The following KBTBD2 variants were observed in gnomAD, a reference collection of about 807,000 sequenced individuals.
KBTBD2 encodes the protein kelch repeat and BTB domain containing 2.
In KBTBD2, 17 loss-of-function variants were observed where a neutral mutation model predicts 57.1. The observed-to-expected ratio is 0.30, with a 90% CI of 0.20 to 0.45. The LOEUF (loss-of-function observed/expected upper bound fraction) is 0.45. Among genes scored for constraint, KBTBD2 ranks in the 20% least tolerant of loss-of-function variants. The probability of loss-of-function intolerance (pLI) is 1.00; values close to 1 mark genes in which losing one functional copy is unlikely to be tolerated. For missense variants in KBTBD2, 515 were observed against 750.6 expected, an observed-to-expected ratio of 0.69 and a Z score of 3.67; for synonymous variants, 267 against 262.7, an observed-to-expected ratio of 1.02 and a Z score of -0.16.
chr7:32,889,765 T>G (rs1784683087), intron 1 of KBTBD2, among the ~76,000 whole-genome samples: 1 of 152,210 alleles, frequency 6.6e-6, no homozygotes. Flanking sequence ...CTGGCCTTAC[T>G]TGTCTTAGGA....
chr7:32,876,604 TGACA>T (rs1184679445), intron 2 of KBTBD2, among the ~76,000 whole-genome samples: 2 of 152,210 alleles, frequency 1.3e-5, no homozygotes, highest in African/African-American at 4.8e-5. Context: ...TATCAGGCTA[TGACA>T]ATAATATACC....
intron 1 of KBTBD2, among the ~76,000 whole-genome samples, chr7:32,886,943 G>A (rs143623803): frequency 6.6e-6 from 1 of 151,602 alleles, no homozygotes; most frequent in African/African-American, 2.4e-5. Context: ...AGAGGTTGAT[G>A]GCAGTGTTTT....
chr7:32,874,114 T>G (rs1386889104), intron 3 of KBTBD2, among the ~76,000 whole-genome samples: 2 of 151,456 alleles, frequency 1.3e-5, no homozygotes, highest in African/African-American at 4.9e-5. Context: ...AATAAAAATA[T>G]TGGCCCAGGG....
intron 1 of KBTBD2, among the ~76,000 whole-genome samples, chr7:32,884,456 G>A (rs1384225198): frequency 6.7e-6 from 1 of 150,142 alleles, no homozygotes; most frequent in Admixed American, 6.6e-5. Context: ...TTGGGAGGCT[G>A]AGGTGGACAG....
At chr7:32,881,929 C>A (rs1784454221) in intron 1 of KBTBD2, among the ~76,000 whole-genome samples, 1 of 152,190 alleles carries the variant, frequency 6.6e-6, no homozygotes, top group Non-Finnish European at 1.5e-5. Flanking sequence ...ATGTACCCTA[C>A]ATTATGAAAT....
Position 32,870,179 on chromosome 7 carries a change from A to G in KBTBD2, c.1038T>C (p.Thr346=). 6.2e-7 allele frequency: 1 copy of G among 1,614,166 alleles called. No homozygotes were observed. The highest frequency in any genetic ancestry group is 1.3e-5 in the African/African-American group (1 of 75,040). ...CATCAAACCAATAAAAGCAATTCAC[A>G]GTTCTGAAGGCAGTCTGAAGTTTGC... The part of the protein sequence containing the change: ...KTSKLQTAFR[T]VNCFYWFDAQ... Residue 346 remains threonine (T), a synonymous_variant, in exon 4 of 4, where the codon ACT becomes ACC. Transcript: ENST00000304056.
At chr7:32,889,259 C>T (rs542798477) in intron 1 of KBTBD2, among the ~76,000 whole-genome samples, 1 of 151,732 alleles carries the variant, frequency 6.6e-6, no homozygotes, top group Non-Finnish European at 1.5e-5. Flanking sequence ...CCACCGCACT[C>T]CAGCCTGGGC....
intron 1 of KBTBD2, among the ~76,000 whole-genome samples, chr7:32,888,906 A>G (rs2127958357): frequency 6.6e-6 from 1 of 152,292 alleles, no homozygotes; most frequent in South Asian, 2.1e-4. Context: ...TTAAACAAGA[A>G]CATAAAGGCA....
chr7:32,885,027 TAC>T (rs1476582091), intron 1 of KBTBD2, among the ~76,000 whole-genome samples: 1 of 133,560 alleles, frequency 7.5e-6, no homozygotes, highest in Non-Finnish European at 1.7e-5. Flanking sequence ...TACACACACA[TAC>T]ACACACACAA....
intron 1 of KBTBD2, among the ~76,000 whole-genome samples, chr7:32,885,011 T>TAC (rs1216856774): frequency 7.2e-6 from 1 of 139,598 alleles, no homozygotes; most frequent in Non-Finnish European, 1.6e-5. Context: ...TGTATATATA[T>TAC]ATATATACAC....
At chr7:32,891,963 G>A (rs1474161175), upstream of KBTBD2, 1 of 134,074 alleles carries the variant, frequency 7.5e-6, no homozygotes, top group Admixed American at 7.3e-5. Context: ...ATGGACCGCT[G>A]GCCAGCCTGC....
intron 1 of KBTBD2, among the ~76,000 whole-genome samples, chr7:32,883,081 G>C (rs1446063371): frequency 6.7e-6 from 1 of 150,232 alleles, no homozygotes; most frequent in African/African-American, 2.5e-5. Context: ...CTAAAAATGT[G>C]AAAGCTTGGC....
chr7:32,885,149 T>C (rs1784546799), intron 1 of KBTBD2, among the ~76,000 whole-genome samples: 1 of 151,502 alleles, frequency 6.6e-6, no homozygotes, highest in Admixed American at 6.6e-5. Context: ...GTACTGGGAT[T>C]ACAGGTGTGA....
chr7:32,874,343 T>C (rs745320940), intron 3 of KBTBD2, among the ~76,000 whole-genome samples: 1 of 151,956 alleles, frequency 6.6e-6, no homozygotes, highest in Non-Finnish European at 1.5e-5. Flanking sequence ...AGCTTGCATC[T>C]GAGCTGAGAT....
chr7:32,891,606 CGCGGCG>C lies in KBTBD2; in HGVS notation c.-415_-410del, dbSNP rs1191964478. ...CCCCGTCCACACTGGGCCCCTCCGG[CGCGGCG>C]GCGGGGGCGTGGCCCTCCCGCCGCG... On this transcript the variant is annotated 5_prime_UTR_variant, in exon 1 of 4. Coordinates refer to ENST00000304056, the MANE Select transcript of KBTBD2 (RefSeq NM_015483.3). 1 of 149,754 alleles carries C rather than the reference CGCGGCG, an allele frequency of 6.7e-6. No homozygotes were observed. Among genetic ancestry groups the C allele is most frequent in the African/African-American group, 2.4e-5 (1 of 41,056 alleles). 9.3% of individuals were successfully genotyped at this position (149,754 alleles called of 1,614,324 possible).
At chr7:32,889,269 C>T (rs1276137631) in intron 1 of KBTBD2, among the ~76,000 whole-genome samples, 1 of 148,854 alleles carries the variant, frequency 6.7e-6, no homozygotes, top group East Asian at 2.0e-4. Context: ...CCAGCCTGGG[C>T]GACACAGCGA....
chr7:32,870,851 T>G lies in KBTBD2; in HGVS notation c.366A>C (p.Glu122Asp), dbSNP rs1402988931. The G allele has an allele frequency of 6.3e-7, 1 of 1,590,980 alleles. No individual in the cohort carries two copies. Among genetic ancestry groups the G allele is most frequent in the Non-Finnish European group, 8.5e-7 (1 of 1,173,198 alleles). The change falls in exon 4 of 4, where the codon GAA (glutamate) becomes GAC (aspartate). Residue 122 changes from glutamate to aspartate, a missense_variant. Glu to Asp is a conservative substitution (Grantham distance 45). Coordinates refer to ENST00000304056, the MANE Select transcript of KBTBD2 (RefSeq NM_015483.3). Reference sequence around the variant, plus strand: ...CTGCATTTATTTTTTTAATTAAATATTCTCGACAACGTTGTAACACATCTT... The same window carrying G: ...CTGCATTTATTTTTTTAATTAAATAGTCTCGACAACGTTGTAACACATCTT... ...QVEDVLQRCR[E>D]YLIKKINAEN...
rs1257233811 is a variant in KBTBD2, at chr7:32,869,501, C to T, written c.1716G>A (p.Leu572=). Residue 572 remains leucine (L), a synonymous_variant, in exon 4 of 4, where the codon CTG becomes CTA. Coordinates refer to ENST00000304056, the MANE Select transcript of KBTBD2 (RefSeq NM_015483.3). The part of the protein sequence containing the change: ...SLRQHISERV[L]WDLGRDFRCT... ...ATCGAAAATCTCTCCCCAAGTCCCA[C>T]AGTACACGTTCAGATATATGCTGCC... 5 of 1,614,164 alleles carry T rather than the reference C, an allele frequency of 3.1e-6. No individual in the cohort carries two copies. The highest frequency in any genetic ancestry group is 4.2e-6 in the Non-Finnish European group (5 of 1,180,008).
intron 3 of KBTBD2, among the ~76,000 whole-genome samples, chr7:32,873,623 A>G (rs997032686): frequency 6.6e-6 from 1 of 152,080 alleles, no homozygotes; most frequent in African/African-American, 2.4e-5. Flanking sequence ...AATCCCAGCT[A>G]TTCAGGAGGC....
Sources: gnomAD v4.1 joint callset for allele counts (sites outside exome capture counted in the v4.1 genomes callset) on GRCh38, gnomAD v4.1.1 for gene constraint, MANE v1.5 for transcripts, NCBI Gene and HGNC (gene_info 2026-07-23, HGNC 2026-07-21) for gene names.